IL7: variants seen among roughly 807,000 people sequenced by gnomAD.
The protein encoded by IL7 is interleukin 7.
A neutral mutation model predicts 21.6 loss-of-function variants in IL7; 3 were observed. The ratio of observed to expected loss-of-function variants is 0.14; its 90% CI spans 0.06 to 0.36. IL7 has a LOEUF of 0.36. Ranked by LOEUF, IL7 falls within the 10% of genes least tolerant of loss-of-function variation. IL7 has a pLI of 1.00. For missense variants in IL7, 175 were observed against 200.2 expected, an observed-to-expected ratio of 0.87 and a Z score of 0.76; for synonymous variants, 62 against 68.1, an observed-to-expected ratio of 0.91 and a Z score of 0.44.
At chr8:78,712,172 G>T (rs1336604128) in intron 3 of IL7, 1 of 945,342 alleles carries the variant, frequency 1.1e-6, no homozygotes, top group African/African-American at 1.7e-5. Context: ...TTATATAATG[G>T]AATAACATAA....
intron 2 of IL7, among the ~76,000 whole-genome samples, chr8:78,769,705 A>C (rs1812886728): frequency 2.0e-5 from 3 of 152,302 alleles, no homozygotes; most frequent in Admixed American, 6.5e-5. Context: ...ATATGGAACC[A>C]AAAAAGAGCC....
intron 2 of IL7, among the ~76,000 whole-genome samples, chr8:78,770,040 T>C (rs951892490): frequency 6.6e-6 from 1 of 152,114 alleles, no homozygotes; most frequent in African/African-American, 2.4e-5. Flanking sequence ...TAATTCAAGA[T>C]GGATTAAAGA....
intron 3 of IL7, among the ~76,000 whole-genome samples, chr8:78,707,171 A>G (rs1390729017): frequency 6.6e-6 from 1 of 152,224 alleles, no homozygotes; most frequent in African/African-American, 2.4e-5. Flanking sequence ...CATGTTAGGT[A>G]ACAATATTTG....
chr8:78,758,927 T>C (rs933455830), intron 2 of IL7, among the ~76,000 whole-genome samples: 2 of 152,046 alleles, frequency 1.3e-5, no homozygotes, highest in African/African-American at 2.4e-5. Context: ...CAGATATTAT[T>C]TCAATAAATA....
chr8:78,738,493 C>T lies in IL7; in HGVS notation c.360+11G>A, dbSNP rs372484846. ...AATATTTTTATTCAAAGTAAATAGT[C>T]CTTAGCTTACCTGGCCAGTGCAGTT... On this transcript the variant is annotated intron_variant, in intron 4 of 5. Transcript: ENST00000263851. 42 of 1,609,156 alleles carry T rather than the reference C, an allele frequency of 2.6e-5. No individual in the cohort carries two copies. The African/African-American group carries it at 5.2e-4, about 20-fold the overall frequency.
chr8:78,762,496 C>A lies in IL7; in HGVS notation c.148-22414G>T, dbSNP rs566295643. 5.9e-4 allele frequency: 749 copies of A among 1,263,152 alleles called. 7 individuals carry two copies. The African/African-American group carries it at 9.9e-3, about 17-fold the overall frequency. 78.2% of individuals were successfully genotyped at this position (1,263,152 alleles called of 1,614,324 possible). ...GCCTCCTCAGGGCAGTCCGCCCGCC[C>A]GTCGGGGCCGGGGAGGGGAGCCAGG... On this transcript the variant is annotated intron_variant, in intron 2 of 5. Coordinates refer to ENST00000263851, the MANE Select transcript of IL7 (RefSeq NM_000880.4).
At chr8:78,750,169 C>T (rs1014293757) in intron 2 of IL7, among the ~76,000 whole-genome samples, 2 of 152,008 alleles carry the variant, frequency 1.3e-5, no homozygotes, top group African/African-American at 4.8e-5. Flanking sequence ...GAAAAAAATA[C>T]CCAGCTCAAG....
intron 3 of IL7, among the ~76,000 whole-genome samples, chr8:78,704,488 C>T (rs913589538): frequency 3.3e-5 from 5 of 151,734 alleles, no homozygotes; most frequent in African/African-American, 1.2e-4. Flanking sequence ...ATGGGCTTTC[C>T]TTTGTAGGTG....
chr8:78,715,272 T>A (rs917728318), downstream of IL7: 1 of 1,613,956 alleles, frequency 6.2e-7, no homozygotes, highest in Non-Finnish European at 8.5e-7. Context: ...CAAGAAATCC[T>A]GCCCCAGGTG....
At chr8:78,751,091 CAA>C (rs200930977) in intron 2 of IL7, among the ~76,000 whole-genome samples, 34 of 122,800 alleles carry the variant, frequency 2.8e-4, no homozygotes, top group African/African-American at 4.3e-4. Flanking sequence ...AGCAAAAATT[CAA>C]AAAAAAAAAA....
At chr8:78,715,134 T>C, downstream of IL7, 1 of 1,143,098 alleles carries the variant, frequency 8.7e-7, no homozygotes. Flanking sequence ...AGCTTCTAAG[T>C]ATTCTTTCTA....
intron 2 of IL7, among the ~76,000 whole-genome samples, chr8:78,754,048 G>A (rs1476232865): frequency 3.3e-5 from 5 of 151,996 alleles, no homozygotes; most frequent in South Asian, 4.1e-4. Flanking sequence ...TTCTGGCCAG[G>A]GCAATCAGGC....
At chr8:78,690,636 CA>C (rs1211531186) in intron 3 of IL7, among the ~76,000 whole-genome samples, 1 of 151,350 alleles carries the variant, frequency 6.6e-6, no homozygotes, top group Non-Finnish European at 1.5e-5. Flanking sequence ...TCAACATCTA[CA>C]AAAAATGACT....
Position 78,805,106 on chromosome 8 carries a change from G to T in IL7, c.-184C>A, listed in dbSNP as rs1265090661. ...GACTGCAGTTTCATCCATCCCAAGG[G>T]GGGCGGCACACACTACGGCGTGGCT... On this transcript the variant is annotated 5_prime_UTR_variant, in exon 1 of 6. Coordinates refer to ENST00000263851, the MANE Select transcript of IL7 (RefSeq NM_000880.4). 5.1e-6 allele frequency: 3 copies of T among 590,472 alleles called. No individual in the cohort carries two copies. The highest frequency in any genetic ancestry group is 9.1e-6 in the Non-Finnish European group (3 of 330,628). The allele number at this position is 590,472 out of a possible 1,614,324, so 36.6% of individuals were successfully genotyped here. A position where few individuals can be genotyped will look rare whatever the true frequency, so the allele number is the denominator to read the frequency against.
chr8:78,712,044 G>A lies in IL7; in HGVS notation n.214+9304C>T, dbSNP rs779708877. On this transcript the variant is annotated intron_variant and non_coding_transcript_variant, in intron 3 of 4. Transcript: ENST00000523959. Reference sequence around the variant, plus strand: ...GAACGGGAAGACTTGTGCAAAGGTTGTATGACAGTGATACAAAATCAGACA... The same window carrying A: ...GAACGGGAAGACTTGTGCAAAGGTTATATGACAGTGATACAAAATCAGACA... The A allele has an allele frequency of 3.9e-6, 5 of 1,289,706 alleles. No homozygotes were observed. The South Asian group carries it at 4.9e-5, about 13-fold the overall frequency. 79.9% of individuals were successfully genotyped at this position (1,289,706 alleles called of 1,614,324 possible). A position where few individuals can be genotyped will look rare whatever the true frequency, so the allele number is the denominator to read the frequency against.
intron 2 of IL7, among the ~76,000 whole-genome samples, chr8:78,763,122 A>T (rs1244528285): frequency 6.6e-6 from 1 of 152,218 alleles, no homozygotes; most frequent in Admixed American, 6.5e-5. Flanking sequence ...ATGCCACCAG[A>T]TGCTGCACAC....
At chr8:78,756,223 T>G (rs1280741736) in intron 2 of IL7, among the ~76,000 whole-genome samples, 1 of 152,028 alleles carries the variant, frequency 6.6e-6, no homozygotes, top group African/African-American at 2.4e-5. Flanking sequence ...GTTGTTAGAT[T>G]CAGTTTGTTA....
chr8:78,726,911 C>T (rs766013470), intron 3 of IL7, among the ~76,000 whole-genome samples: 1 of 151,954 alleles, frequency 6.6e-6, no homozygotes, highest in African/African-American at 2.4e-5. Context: ...TTTTCATTCT[C>T]ATTTCCTCCT....
intron 3 of IL7, among the ~76,000 whole-genome samples, chr8:78,727,704 C>G (rs187324463): frequency 2.6e-5 from 4 of 151,990 alleles, no homozygotes; most frequent in Admixed American, 6.6e-5. Context: ...TTCAATATGT[C>G]TATTATTTTT....
Sources: gnomAD v4.1 joint callset for allele counts (sites outside exome capture counted in the v4.1 genomes callset) on GRCh38, gnomAD v4.1.1 for gene constraint, MANE v1.5 for transcripts, NCBI Gene and HGNC (gene_info 2026-07-23, HGNC 2026-07-21) for gene names.